The following HPS4 variants were observed in gnomAD, a reference collection of about 807,000 sequenced individuals.
HPS4 encodes the protein HPS4 biogenesis of lysosomal organelles complex 3 subunit 2.
HPS4 carries 44 observed loss-of-function variants against 70.3 expected under a neutral mutation model. That is an observed-to-expected ratio of 0.63 (90% CI 0.49 to 0.80). The LOEUF (loss-of-function observed/expected upper bound fraction) is 0.80, where lower values mean the gene tolerates loss of function less well. Among genes scored for constraint, HPS4 ranks in the 30% least tolerant of loss-of-function variants. HPS4 has a pLI of 0.00. For missense variants in HPS4, 873 were observed against 884.4 expected, an observed-to-expected ratio of 0.99 and a Z score of 0.16; for synonymous variants, 377 against 355.9, an observed-to-expected ratio of 1.06 and a Z score of -0.67.
At chr22:26,476,879 T>G in intron 4 of HPS4, 114 bp downstream of exon 4, 3 of 1,120,608 alleles carry the variant, frequency 2.7e-6, no homozygotes, top group Non-Finnish European at 4.0e-6. Flanking sequence ...CTAAACACAG[T>G]ACATGGATGA....
At position 26,468,635 on chromosome 22, in the gene HPS4, C is replaced by T; in HGVS notation, c.597-12G>A. On this transcript the variant is annotated splice_polypyrimidine_tract_variant and intron_variant, in intron 7 of 13. Transcript: ENST00000398145. ...GGGTGCTGACAATCCTAGGAGGTCA[C>T]ACACAGAACAAGAACACCATGAGAC... The T allele has an allele frequency of 6.2e-7, 1 of 1,612,906 alleles. No homozygotes were observed. Among genetic ancestry groups the T allele is most frequent in the Non-Finnish European group, 8.5e-7 (1 of 1,178,982 alleles).
In HPS4 at chr22:26,464,696, T is replaced by C. The variant is rs1370722861; in HGVS notation, c.934A>G (p.Thr312Ala). Residue 312 changes from threonine to alanine, a missense_variant, in exon 11 of 14, where the codon ACA (threonine) becomes GCA (alanine). Coordinates refer to ENST00000398145, the MANE Select transcript of HPS4 (RefSeq NM_022081.6). ...ESMAWTTPDPTSPDEACPDGR... is the reference protein window; with the variant it reads ...ESMAWTTPDPASPDEACPDGR... ...TCTGGACAAGCTTCGTCAGGGGATG[T>C]GGGATCTGGGGTGGTCCAGGCCATG... The C allele has an allele frequency of 6.8e-6, 11 of 1,608,894 alleles. No homozygotes were observed. Among genetic ancestry groups the C allele is most frequent in the African/African-American group, 1.3e-5 (1 of 74,776 alleles).
intron 4 of HPS4, among the ~76,000 whole-genome samples, chr22:26,473,884 C>A (rs1246628547): frequency 6.6e-6 from 1 of 152,178 alleles, no homozygotes; most frequent in Admixed American, 6.5e-5. Context: ...AACTAATAAA[C>A]CCTGACAGAA....
chr22:26,443,619 T>TA (rs35059406), downstream of HPS4: 24,637 of 129,866 alleles, frequency 0.19, 2,407 homozygotes, highest in South Asian at 0.41. Context: ...GTGGTCATCT[T>TA]AAAAAAAAAA....
chr22:26,457,893 C>T lies in HPS4; in HGVS notation c.1921G>A (p.Ala641Thr). 6.2e-7 allele frequency: 1 copy of T among 1,614,220 alleles called. No homozygotes were observed. Residue 641 changes from alanine (A) to threonine (T), a missense_variant, in exon 13 of 14, where the codon GCC (alanine) becomes ACC (threonine). Transcript: ENST00000398145. ...ATTTCATAAAGCGCGGGCAGCTGGG[C>T]AAATTCGCTATGCATCAGGCTGACG... ...QAVSLMHSEF[A>T]QLPALYEMTV...
At chr22:26,449,870 C>T (rs547843674), downstream of HPS4, among the ~76,000 whole-genome samples, 48 of 152,256 alleles carry the variant, frequency 3.2e-4, no homozygotes, top group African/African-American at 9.6e-5. Context: ...TTCTGGAGGC[C>T]GAAGTCTGAA....
Position 26,481,808 on chromosome 22 carries a change from C to T in HPS4, c.-46G>A, listed in dbSNP as rs187291798. 1.1e-5 allele frequency: 17 copies of T among 1,575,112 alleles called. No individual in the cohort carries two copies. Among genetic ancestry groups the T allele is most frequent in the East Asian group, 2.2e-5 (1 of 44,670 alleles). ...TTCTCTTCATTTAGGTTTTCTTTTC[C>T]GGTATCACTTCTTTCTCCCTAGCTG... On this transcript the variant is annotated 5_prime_UTR_variant, in exon 2 of 14. Coordinates refer to ENST00000398145, the MANE Select transcript of HPS4 (RefSeq NM_022081.6).
chr22:26,474,829 CCTCA>C (rs1236526436), intron 4 of HPS4, among the ~76,000 whole-genome samples: 3 of 152,124 alleles, frequency 2.0e-5, no homozygotes, highest in Non-Finnish European at 4.4e-5. Context: ...CATGAAAAGG[CCTCA>C]CTATCATTAG....
chr22:26,449,550 T>TG (rs1231101495), downstream of HPS4, among the ~76,000 whole-genome samples: 13 of 151,952 alleles, frequency 8.6e-5, no homozygotes, highest in African/African-American at 3.1e-4. Flanking sequence ...AGGCTGGTCT[T>TG]GAACTCCTGA....
chr22:26,477,786 CCAT>C (rs2090756016), intron 3 of HPS4, among the ~76,000 whole-genome samples: 1 of 152,174 alleles, frequency 6.6e-6, no homozygotes, highest in Admixed American at 6.5e-5. Flanking sequence ...AATGACACCA[CCAT>C]GAGGAACAAA....
chr22:26,447,322 T>C (rs528863678), downstream of HPS4, among the ~76,000 whole-genome samples: 2 of 152,166 alleles, frequency 1.3e-5, no homozygotes, highest in Non-Finnish European at 2.9e-5. Flanking sequence ...GCCTGCGCTG[T>C]GGAGATCACG....
chr22:26,468,461 C>T (rs896405772), intron 8 of HPS4, 90 bp downstream of exon 8: 21 of 1,123,102 alleles, frequency 1.9e-5, no homozygotes, highest in East Asian at 5.0e-5. Flanking sequence ...AACTGCTCCA[C>T]GGCCTCTGCT....
At position 26,451,010 on chromosome 22, in the gene HPS4, G is replaced by C. The variant is rs2146192594; in HGVS notation, c.*2223C>G. On this transcript the variant is annotated 3_prime_UTR_variant, in exon 14 of 14. Coordinates refer to ENST00000398145, the MANE Select transcript of HPS4 (RefSeq NM_022081.6). Reference sequence around the variant, plus strand: ...TCACAGGTGGCAGATGGCTGGCACAGAGGAAGCCAAAACAGAGGCTTTTCT... The same window carrying C: ...TCACAGGTGGCAGATGGCTGGCACACAGGAAGCCAAAACAGAGGCTTTTCT... Among the ~76,000 whole-genome samples, 1 of 152,348 alleles carries C rather than the reference G, an allele frequency of 6.6e-6. No homozygotes were observed. The highest frequency in any genetic ancestry group is 2.4e-5 in the African/African-American group (1 of 41,574).
In HPS4 at chr22:26,481,882, T is replaced by C; in HGVS notation, c.-120A>G. 1.0e-6 allele frequency: 1 copy of C among 957,354 alleles called. No homozygotes were observed. Among genetic ancestry groups the C allele is most frequent in the Non-Finnish European group, 1.7e-6 (1 of 592,150 alleles). The allele number at this position is 957,354 out of a possible 1,614,324, so 59.3% of individuals were successfully genotyped here. A position where few individuals can be genotyped will look rare whatever the true frequency, so the allele number is the denominator to read the frequency against. On this transcript the variant is annotated 5_prime_UTR_variant, in exon 2 of 14. Transcript: ENST00000398145. ...CCAGTGAATCTGGACGTGGTAGGTT[T>C]CAGTGTTTTCAGTCACAACTGCCAC...
intron 7 of HPS4, among the ~76,000 whole-genome samples, chr22:26,469,670 G>A (rs116634716): frequency 0.022 from 3,056 of 140,042 alleles, 100 homozygotes; most frequent in African/African-American, 0.078. Context: ...GGGCAACATA[G>A]CAAGACCTCG....
intron 2 of HPS4, among the ~76,000 whole-genome samples, chr22:26,480,618 T>C (rs2147011321): frequency 6.6e-6 from 1 of 152,186 alleles, no homozygotes; most frequent in East Asian, 1.9e-4. Flanking sequence ...GCCTTCCTGA[T>C]GAAAAAGCAC....
At chr22:26,481,588 T>G in intron 2 of HPS4, 134 bp downstream of exon 2, 1 of 820,324 alleles carries the variant, frequency 1.2e-6, no homozygotes, top group South Asian at 1.4e-5. Flanking sequence ...TTGATTCAGC[T>G]GCTCTGAGGA....
At chr22:26,472,769 T>C in intron 5 of HPS4, 63 bp downstream of exon 5, 2 of 1,203,330 alleles carry the variant, frequency 1.7e-6, no homozygotes, top group South Asian at 2.4e-5. Context: ...AAGTGCTGCA[T>C]TCTGGCAATA....
intron 3 of HPS4, 101 bp downstream of exon 3, chr22:26,479,164 G>T: frequency 2.7e-6 from 3 of 1,104,476 alleles, no homozygotes; most frequent in Non-Finnish European, 4.1e-6. Context: ...GTCATTGTCT[G>T]GATTAGCCAA....
Sources: gnomAD v4.1 joint callset for allele counts (sites outside exome capture counted in the v4.1 genomes callset) on GRCh38, gnomAD v4.1.1 for gene constraint, MANE v1.5 for transcripts, NCBI Gene and HGNC (gene_info 2026-07-23, HGNC 2026-07-21) for gene names.